CLSTN2: variants seen among roughly 807,000 people sequenced by gnomAD.
CLSTN2 encodes the protein calsyntenin-2.
CLSTN2 carries 48 observed loss-of-function variants against 101.2 expected under a neutral mutation model. The observed-to-expected ratio is 0.47, with a 90% CI of 0.38 to 0.60. The LOEUF is 0.60. Ranked by LOEUF, CLSTN2 falls within the 20% of genes least tolerant of loss-of-function variation. The probability of loss-of-function intolerance (pLI) is 0.00; values close to 1 mark genes in which losing one functional copy is unlikely to be tolerated. For synonymous variants in CLSTN2, 481 were observed against 463.6 expected (o/e 1.04, Z -0.48); for missense variants, 1,160 against 1,238.2 (o/e 0.94, Z 0.95).
intron 8 of CLSTN2, among the ~76,000 whole-genome samples, chr3:140,481,207 C>G (rs1481144800): frequency 6.6e-6 from 1 of 152,150 alleles, no homozygotes; most frequent in Non-Finnish European, 1.5e-5. Context: ...ATAGGGAATC[C>G]TTTCCCCATT....
intron 2 of CLSTN2, among the ~76,000 whole-genome samples, chr3:140,276,527 G>A (rs547337942): frequency 6.6e-6 from 1 of 152,184 alleles, no homozygotes; most frequent in African/African-American, 2.4e-5. Flanking sequence ...TTATTTAGAA[G>A]GTAACCCCAG....
chr3:140,265,149 A>G (rs1184209134), intron 2 of CLSTN2, among the ~76,000 whole-genome samples: 1 of 152,184 alleles, frequency 6.6e-6, no homozygotes, highest in Non-Finnish European at 1.5e-5. Flanking sequence ...TTCATTTGGT[A>G]TGTGGAAGAA....
At chr3:140,319,332 G>C (rs1477622411) in intron 2 of CLSTN2, among the ~76,000 whole-genome samples, 1 of 152,206 alleles carries the variant, frequency 6.6e-6, no homozygotes, top group African/African-American at 2.4e-5. Context: ...TGCTGAGGGT[G>C]AGTTCCCTGA....
chr3:140,150,797 T>A (rs1035159668), intron 1 of CLSTN2, among the ~76,000 whole-genome samples: 1 of 152,144 alleles, frequency 6.6e-6, no homozygotes, highest in Non-Finnish European at 1.5e-5. Flanking sequence ...ATAAAGATCC[T>A]GCACACCAAA....
At chr3:139,953,143 G>C (rs1379467148) in intron 1 of CLSTN2, among the ~76,000 whole-genome samples, 4 of 152,118 alleles carry the variant, frequency 2.6e-5, no homozygotes, top group Non-Finnish European at 5.9e-5. Flanking sequence ...AGCTGGCCTT[G>C]ATACCTTCTA....
At chr3:140,430,878 A>G (rs2088621721) in intron 5 of CLSTN2, among the ~76,000 whole-genome samples, 2 of 152,236 alleles carry the variant, frequency 1.3e-5, no homozygotes, top group Admixed American at 1.3e-4. Flanking sequence ...ACAGCGGTAA[A>G]TGGTAAATAT....
chr3:140,191,475 G>T (rs1390212825), intron 2 of CLSTN2, among the ~76,000 whole-genome samples: 3 of 151,972 alleles, frequency 2.0e-5, no homozygotes, highest in African/African-American at 7.2e-5. Flanking sequence ...TGTAGAATTG[G>T]TATTAATTTT....
At chr3:140,216,724 T>C (rs1471665222) in intron 2 of CLSTN2, among the ~76,000 whole-genome samples, 1 of 152,162 alleles carries the variant, frequency 6.6e-6, no homozygotes, top group Non-Finnish European at 1.5e-5. Flanking sequence ...TTATATGAGA[T>C]GTAAAGTGCA....
intron 1 of CLSTN2, among the ~76,000 whole-genome samples, chr3:140,044,452 A>G (rs1487405324): frequency 6.6e-6 from 1 of 152,192 alleles, no homozygotes; most frequent in Non-Finnish European, 1.5e-5. Context: ...CGTTTTCTAG[A>G]TATACAATCA....
At chr3:140,427,657 A>T (rs2088587176) in intron 5 of CLSTN2, among the ~76,000 whole-genome samples, 1 of 152,102 alleles carries the variant, frequency 6.6e-6, no homozygotes, top group Non-Finnish European at 1.5e-5. Context: ...ACTCCCAGAG[A>T]TGGATAATCC....
intron 1 of CLSTN2, among the ~76,000 whole-genome samples, chr3:140,019,902 T>G (rs1430805807): frequency 6.6e-6 from 1 of 152,108 alleles, no homozygotes; most frequent in Non-Finnish European, 1.5e-5. Context: ...TGCTGGTGCC[T>G]GAGGGTGCAG....
At chr3:140,415,483 T>G (rs1199486559) in intron 4 of CLSTN2, among the ~76,000 whole-genome samples, 1 of 8,546 alleles carries the variant, frequency 1.2e-4, no homozygotes, top group African/African-American at 3.9e-4. Flanking sequence ...TAACACAAAA[T>G]AGCAAAAAAA....
chr3:140,256,023 C>T (rs1322687807), intron 2 of CLSTN2, among the ~76,000 whole-genome samples: 1 of 152,186 alleles, frequency 6.6e-6, no homozygotes, highest in South Asian at 2.1e-4. Context: ...TAAGCCACGC[C>T]TCTGCCAATC....
At chr3:140,472,649 C>G (rs569082) in intron 8 of CLSTN2, among the ~76,000 whole-genome samples, 152,137 of 152,340 alleles carry the variant, frequency 1, 75,967 homozygotes, top group Non-Finnish European at 1. Flanking sequence ...TTAAGACCAT[C>G]TGTCCTTTAG....
At chr3:140,510,431 G>A (rs896257377) in intron 8 of CLSTN2, among the ~76,000 whole-genome samples, 1 of 152,180 alleles carries the variant, frequency 6.6e-6, no homozygotes, top group Admixed American at 6.5e-5. Flanking sequence ...GCATAATAAA[G>A]GTGTGCTTAC....
chr3:140,442,533 A>G (rs1329933959), intron 5 of CLSTN2, among the ~76,000 whole-genome samples: 1 of 152,100 alleles, frequency 6.6e-6, no homozygotes, highest in African/African-American at 2.4e-5. Flanking sequence ...GTCCAGTTGC[A>G]GGGTTAACAC....
intron 1 of CLSTN2, among the ~76,000 whole-genome samples, chr3:140,123,512 G>C (rs991006355): frequency 1.3e-5 from 2 of 152,100 alleles, no homozygotes; most frequent in African/African-American, 4.8e-5. Flanking sequence ...TAGAGCATGC[G>C]GGATACCTCA....
chr3:140,368,278 C>G (rs2087815493), intron 2 of CLSTN2, among the ~76,000 whole-genome samples: 1 of 152,100 alleles, frequency 6.6e-6, no homozygotes, highest in Non-Finnish European at 1.5e-5. Context: ...TTGCTTGTGC[C>G]CTAAGCAGTT....
chr3:139,964,501 A>C (rs1245640699), intron 1 of CLSTN2, among the ~76,000 whole-genome samples: 1 of 152,124 alleles, frequency 6.6e-6, no homozygotes, highest in Non-Finnish European at 1.5e-5. Context: ...CTTGGTTTCA[A>C]AGTGTCATCT....
Sources: gnomAD v4.1 joint callset for allele counts (sites outside exome capture counted in the v4.1 genomes callset) on GRCh38, gnomAD v4.1.1 for gene constraint, MANE v1.5 for transcripts, NCBI Gene and HGNC (gene_info 2026-07-23, HGNC 2026-07-21) for gene names.